The following ZNF717 variants were observed in gnomAD, a reference collection of about 807,000 sequenced individuals.
The protein encoded by ZNF717 is krueppel-like factor X17.
In ZNF717, 9 loss-of-function variants were observed where a neutral mutation model predicts 13.8. The ratio of observed to expected loss-of-function variants is 0.65; its 90% CI spans 0.39 to 1.14. The LOEUF (loss-of-function observed/expected upper bound fraction) is 1.14. ZNF717 is among the 50% of genes most tolerant of loss of function. ZNF717 has a pLI of 0.01. For synonymous variants in ZNF717, 327 were observed against 364.1 expected (o/e 0.90, Z 1.16); for missense variants, 1,040 against 1,080.7 (o/e 0.96, Z 0.53).
At chr3:75,749,256 T>C (rs1384266164) in intron 2 of ZNF717, among the ~76,000 whole-genome samples, 1 of 151,980 alleles carries the variant, frequency 6.6e-6, no homozygotes, top group Admixed American at 6.6e-5. Context: ...TCCGAATGTT[T>C]TTCCCTCACT....
In ZNF717 at chr3:75,737,408, G is replaced by A. The variant is rs1392984508; in HGVS notation, c.2215C>T (p.Pro739Ser). ...NPMNVANVEK[P>S]CQKSVLTVHH... ...ACAGTGAGGACTGACTTCTGACAAG[G>A]TTTTTCCACATTTGCTACATTCATA... Residue 739 changes from proline to serine, a missense_variant, in exon 5 of 5, where the codon CCT becomes TCT. By Grantham distance (74) the Pro-to-Ser change is moderately conservative (BLOSUM62 -1). Transcript: ENST00000652011. 47 of 1,553,548 alleles carry A rather than the reference G, an allele frequency of 3.0e-5. No individual in the cohort carries two copies. In the Admixed American group the frequency reaches 9.0e-4, roughly 30 times the overall value.
At chr3:75,774,610 GTTTTTTTTTT>G (rs537149833) in intron 2 of ZNF717, among the ~76,000 whole-genome samples, 2 of 80,216 alleles carry the variant, frequency 2.5e-5, no homozygotes, top group South Asian at 4.3e-4. Context: ...AATTCTTGTG[GTTTTTTTTTT>G]TTTTTTTTTT....
chr3:75,715,969 TG>T (rs1375801614), intron 5 of ZNF717, among the ~76,000 whole-genome samples: 4 of 122,952 alleles, frequency 3.3e-5, no homozygotes, highest in African/African-American at 9.9e-5. Context: ...TTTTTTGGTT[TG>T]TTTTTTTGTT....
chr3:75,745,407 C>T (rs74194585), intron 2 of ZNF717, among the ~76,000 whole-genome samples: 276 of 152,072 alleles, frequency 1.8e-3, no homozygotes, highest in African/African-American at 5.9e-3. Context: ...GGAAAAAGTA[C>T]GCATACATTG....
downstream of ZNF717, among the ~76,000 whole-genome samples, chr3:75,727,679 C>T (rs145794826): frequency 6.6e-6 from 1 of 152,230 alleles, no homozygotes. Context: ...AACCTTGTTT[C>T]CTGTTAAGAT....
At position 75,738,176 on chromosome 3, in the gene ZNF717, C is replaced by A; in HGVS notation, c.1447G>T (p.Glu483Ter). 4 of 1,388,642 alleles carry A rather than the reference C, an allele frequency of 2.9e-6. No homozygotes were observed. The South Asian group carries it at 5.5e-5, about 19-fold the overall frequency. The allele number at this position is 1,388,642 out of a possible 1,614,324, so 86.0% of individuals were successfully genotyped here. A position where few individuals can be genotyped will look rare whatever the true frequency, so the allele number is the denominator to read the frequency against. ...HTGEKPYECNECGKTFHRKSF... is the reference protein window; with the variant it reads ...HTGEKPYECN Reference sequence around the variant, plus strand: ...TTACGGTGAAACGTTTTCCCACATTCATTGCATTCATAGGGTTTTTCCCCT... The same window carrying A: ...TTACGGTGAAACGTTTTCCCACATTAATTGCATTCATAGGGTTTTTCCCCT... Residue 483 changes from glutamate (E) to a stop codon, truncating the protein, a stop_gained, in exon 5 of 5, where the codon GAA becomes TAA. Coordinates refer to ENST00000652011, the MANE Select transcript of ZNF717 (RefSeq NM_001290208.3). LOFTEE classifies it low-confidence loss of function (END_TRUNC).
At chr3:75,780,131 G>C (rs369533627) in intron 2 of ZNF717, among the ~76,000 whole-genome samples, 2,973 of 149,416 alleles carry the variant, frequency 0.02, 46 homozygotes, top group South Asian at 0.059. Context: ...TGGGAGTGAC[G>C]TGCTAAAACT....
rs1939891225 is a variant in ZNF717 at position 75,738,750 on chromosome 3, G to A, written c.873C>T (p.Pro291=). ...GCATAAGGTCTGATTTGCTAATGGA[G>A]GGTTTCTCACATTCAACACATTCAT... is the stretch of plus-strand genomic sequence containing the variant. The part of the protein sequence containing the change: ...KPYECVECEK[P]SISKSDLMLQ... Residue 291 remains proline, a synonymous_variant, in exon 5 of 5, where the codon CCC becomes CCT. Coordinates refer to ENST00000652011, the MANE Select transcript of ZNF717 (RefSeq NM_001290208.3). The A allele has an allele frequency of 6.4e-7, 1 of 1,552,240 alleles. No homozygotes were observed. The highest frequency in any genetic ancestry group is 8.7e-7 in the Non-Finnish European group (1 of 1,147,536).
intron 1 of ZNF717, among the ~76,000 whole-genome samples, chr3:75,783,819 A>C (rs1377245932): frequency 1.3e-5 from 2 of 152,228 alleles, no homozygotes; most frequent in Non-Finnish European, 1.5e-5. Context: ...CCTGAACATC[A>C]TGGAAAGTGC....
chr3:75,741,888 A>C, intron 2 of ZNF717, 152 bp from the exon 3 acceptor site: 1 of 985,620 alleles, frequency 1.0e-6, no homozygotes, highest in Non-Finnish European at 1.5e-6. Flanking sequence ...ATTTTTCCTC[A>C]AGTCAAAGCA....
chr3:75,705,102 C>G (rs1463864606), downstream of ZNF717, among the ~76,000 whole-genome samples: 9 of 144,496 alleles, frequency 6.2e-5, no homozygotes, highest in African/African-American at 2.4e-4. Context: ...ACCATAAGGT[C>G]ATCTTTGATG....
intron 2 of ZNF717, among the ~76,000 whole-genome samples, chr3:75,771,180 A>G (rs1198824397): frequency 1.3e-5 from 2 of 152,182 alleles, no homozygotes; most frequent in African/African-American, 4.8e-5. Context: ...CTGAGTGTTC[A>G]GCTGTGTTCA....
intron 5 of ZNF717, among the ~76,000 whole-genome samples, chr3:75,712,089 C>A (rs75211491): frequency 6.6e-6 from 1 of 152,198 alleles, no homozygotes; most frequent in Non-Finnish European, 1.5e-5. Context: ...AGAGTTGGAA[C>A]CACAGAAAAA....
At position 75,737,217 on chromosome 3, in the gene ZNF717, G is replaced by A; in HGVS notation, c.2406C>T (p.Thr802=). ...RKTFYDKTVL[T]IHQRTHTGEK... is the part of the protein sequence containing the mutation. ...CACCTGTGTGAGTTCTCTGATGTAT[G>A]GTGAGAACTGTCTTATCGTAAAAAG... Residue 802 remains threonine, a synonymous_variant, in exon 5 of 5, where the codon ACC becomes ACT. Transcript: ENST00000652011. 1.3e-6 allele frequency: 2 copies of A among 1,553,652 alleles called. No individual in the cohort carries two copies. Among genetic ancestry groups the A allele is most frequent in the African/African-American group, 2.7e-5 (2 of 73,142 alleles).
At chr3:75,784,889 A>G (rs371098439) in intron 1 of ZNF717, 2,124 of 152,248 alleles carry the variant, frequency 0.014, 24 homozygotes, top group Non-Finnish European at 0.023. Context: ...TTCAAACCTT[A>G]TAACACACGG....
chr3:75,783,213 T>C (rs1402259908), intron 2 of ZNF717, 93 bp downstream of exon 2: 1 of 971,242 alleles, frequency 1.0e-6, no homozygotes, highest in Admixed American at 2.0e-5. Flanking sequence ...ACCTGAGTTT[T>C]ACTTATTTCC....
chr3:75,765,025 A>G (rs186413447), intron 2 of ZNF717, among the ~76,000 whole-genome samples: 2,907 of 60,400 alleles, frequency 0.048, 39 homozygotes, highest in African/African-American at 0.092. Flanking sequence ...ATATATATAT[A>G]TATATGTATA....
downstream of ZNF717, among the ~76,000 whole-genome samples, chr3:75,706,097 G>T (rs370573436): frequency 9.9e-5 from 15 of 152,250 alleles, no homozygotes; most frequent in Non-Finnish European, 5.9e-5. Flanking sequence ...ATGGGATATA[G>T]AGAGAAAAAA....
At chr3:75,724,606 T>C (rs1938239457) in intron 4 of ZNF717, among the ~76,000 whole-genome samples, 1 of 152,244 alleles carries the variant, frequency 6.6e-6, no homozygotes, top group Non-Finnish European at 1.5e-5. Context: ...CTTGGGGATC[T>C]AGATTTAATG....
Sources: allele counts gnomAD v4.1 joint callset (sites outside exome capture counted in the v4.1 genomes callset), GRCh38; gene constraint gnomAD v4.1.1; transcripts MANE v1.5; gene names NCBI Gene and HGNC (gene_info 2026-07-23, HGNC 2026-07-21).